Variants in ZNF407 observed in about 807,000 individuals in gnomAD.
ZNF407 encodes the protein zinc finger protein 407.
Under a neutral mutation model 131.2 loss-of-function variants are expected in ZNF407, and 17 were observed. That is an observed-to-expected ratio of 0.13 (90% CI 0.09 to 0.19). The LOEUF (loss-of-function observed/expected upper bound fraction) is 0.19, where lower values mean the gene tolerates loss of function less well. Among genes scored for constraint, ZNF407 ranks in the 10% least tolerant of loss-of-function variants. The pLI is 1.00. For missense variants in ZNF407, 2,681 were observed against 2,830.6 expected (o/e 0.95, Z 1.20); for synonymous variants, 1,156 against 1,062.0 (o/e 1.09, Z -1.72).
At chr18:74,617,441 C>T (rs1449754261) in intron 1 of ZNF407, among the ~76,000 whole-genome samples, 1 of 152,194 alleles carries the variant, frequency 6.6e-6, no homozygotes, top group Non-Finnish European at 1.5e-5. Flanking sequence ...GTATCTTTAG[C>T]CTTCTTTAAT....
intron 3 of ZNF407, among the ~76,000 whole-genome samples, chr18:74,714,828 G>T (rs1430497616): frequency 6.6e-6 from 1 of 152,098 alleles, no homozygotes; most frequent in African/African-American, 2.4e-5. Context: ...TTCTTGGGGG[G>T]TAGAACAGTC....
chr18:74,860,484 A>ATAT (rs1167796493), intron 4 of ZNF407, among the ~76,000 whole-genome samples: 67,460 of 145,210 alleles, frequency 0.46, 15,592 homozygotes, highest in Middle Eastern at 0.55. Flanking sequence ...CAGAACCTCT[A>ATAT]TATTATTATT....
intron 8 of ZNF407, among the ~76,000 whole-genome samples, chr18:74,941,737 T>G (rs1311718417): frequency 1.3e-5 from 2 of 152,098 alleles, no homozygotes; most frequent in African/African-American, 4.8e-5. Context: ...TACAGAAAAA[T>G]GCTTTCGTAG....
At chr18:75,031,324 A>G (rs945423740) in intron 8 of ZNF407, among the ~76,000 whole-genome samples, 7 of 152,322 alleles carry the variant, frequency 4.6e-5, no homozygotes, top group South Asian at 2.1e-4. Flanking sequence ...TCCATTTTCT[A>G]TTCTTTTGTT....
At chr18:74,868,946 G>A (rs970522404) in intron 4 of ZNF407, among the ~76,000 whole-genome samples, 6 of 152,128 alleles carry the variant, frequency 3.9e-5, no homozygotes, top group Admixed American at 3.9e-4. Context: ...TACATAGCAT[G>A]GATCATTGCT....
At chr18:74,702,785 A>ATT (rs1967530876) in intron 3 of ZNF407, among the ~76,000 whole-genome samples, 1 of 152,218 alleles carries the variant, frequency 6.6e-6, no homozygotes, top group Admixed American at 6.5e-5. Flanking sequence ...ATATACACTG[A>ATT]TACATAGACA....
At chr18:74,943,786 G>A (rs985698197) in intron 8 of ZNF407, among the ~76,000 whole-genome samples, 7 of 152,232 alleles carry the variant, frequency 4.6e-5, no homozygotes, top group South Asian at 4.2e-4. Flanking sequence ...CTCATGGACC[G>A]CGAGCCCAAT....
At chr18:74,726,220 T>C (rs1968154732) in intron 3 of ZNF407, among the ~76,000 whole-genome samples, 1 of 152,214 alleles carries the variant, frequency 6.6e-6, no homozygotes, top group Admixed American at 6.5e-5. Flanking sequence ...TAGATGTATG[T>C]AGACTGCCTC....
chr18:74,690,413 G>A (rs893833494), intron 3 of ZNF407, among the ~76,000 whole-genome samples: 14 of 151,204 alleles, frequency 9.3e-5, no homozygotes, highest in Admixed American at 2.6e-4. Context: ...TGGGGGAAAT[G>A]TCATCCAGCT....
chr18:74,678,011 G>T (rs1411213598), intron 3 of ZNF407, among the ~76,000 whole-genome samples: 1 of 151,980 alleles, frequency 6.6e-6, no homozygotes, highest in Non-Finnish European at 1.5e-5. Flanking sequence ...AGTAAAGATG[G>T]GATTTCACTA....
intron 3 of ZNF407, among the ~76,000 whole-genome samples, chr18:74,696,147 G>T (rs938350919): frequency 5.3e-5 from 8 of 152,190 alleles, no homozygotes; most frequent in African/African-American, 1.9e-4. Context: ...ACATCTCCAA[G>T]AACGAAAATC....
chr18:75,009,739 T>G (rs7226697), intron 8 of ZNF407, among the ~76,000 whole-genome samples: 1 of 151,572 alleles, frequency 6.6e-6, no homozygotes, highest in East Asian at 1.9e-4. Flanking sequence ...ATAGATAGCT[T>G]CAGTAACTTA....
intron 8 of ZNF407, among the ~76,000 whole-genome samples, chr18:75,047,211 G>T (rs570258346): frequency 2.0e-5 from 3 of 152,150 alleles, no homozygotes; most frequent in African/African-American, 7.2e-5. Context: ...ATCTGTGGGG[G>T]TTTAATGACT....
At chr18:74,934,254 G>C (rs1972013961) in intron 8 of ZNF407, among the ~76,000 whole-genome samples, 1 of 152,170 alleles carries the variant, frequency 6.6e-6, no homozygotes, top group Non-Finnish European at 1.5e-5. Context: ...TCTTTCAAGG[G>C]TAGTATAGAT....
intron 8 of ZNF407, among the ~76,000 whole-genome samples, chr18:74,960,652 TCA>T (rs1388869339): frequency 7.3e-6 from 1 of 136,454 alleles, no homozygotes; most frequent in African/African-American, 3.2e-5. Context: ...AGGTCCTGAG[TCA>T]GTGCTGGGTG....
chr18:74,637,581 TC>T (rs894569777), intron 2 of ZNF407, among the ~76,000 whole-genome samples: 20 of 152,262 alleles, frequency 1.3e-4, no homozygotes, highest in African/African-American at 4.6e-4. Flanking sequence ...AGAGCCCTGT[TC>T]CTGAGGACAC....
chr18:74,881,141 G>A (rs75375525), intron 6 of ZNF407, 22 bp downstream of exon 6: 193,536 of 1,552,014 alleles, frequency 0.12, 13,016 homozygotes, highest in Middle Eastern at 0.23. Context: ...TGCTGCACTG[G>A]CCCCTTCTCT....
intron 3 of ZNF407, among the ~76,000 whole-genome samples, chr18:74,754,992 T>G (rs1322884799): frequency 2.0e-5 from 3 of 152,186 alleles, no homozygotes; most frequent in Non-Finnish European, 1.5e-5. Flanking sequence ...CTAAGTGTCT[T>G]TGCAGGTCTC....
chr18:74,948,498 T>C (rs1568279972), intron 8 of ZNF407, among the ~76,000 whole-genome samples: 1 of 152,336 alleles, frequency 6.6e-6, no homozygotes, highest in East Asian at 1.9e-4. Context: ...CAGTTTCGAT[T>C]CTATGGAAAT....
Sources: gnomAD v4.1 joint callset for allele counts (sites outside exome capture counted in the v4.1 genomes callset) on GRCh38, gnomAD v4.1.1 for gene constraint, MANE v1.5 for transcripts, NCBI Gene and HGNC (gene_info 2026-07-23, HGNC 2026-07-21) for gene names.